Variants in BABAM2 observed in about 807,000 individuals in gnomAD.
BABAM2 encodes the protein BRISC and BRCA1-A complex member 2.
Under a neutral mutation model 54.7 loss-of-function variants are expected in BABAM2, and 31 were observed. That is an observed-to-expected ratio of 0.57 (90% CI 0.43 to 0.77). The LOEUF (loss-of-function observed/expected upper bound fraction) is 0.77. BABAM2 is among the 30% of genes least tolerant of loss of function. BABAM2 has a pLI of 0.00. For missense variants in BABAM2, 364 were observed against 455.8 expected (o/e 0.80, Z 1.83); for synonymous variants, 167 against 162.9 (o/e 1.03, Z -0.19).
intron 7 of BABAM2, among the ~76,000 whole-genome samples, chr2:28,161,811 A>G (rs955124114): frequency 6.6e-6 from 1 of 152,130 alleles, no homozygotes; most frequent in Non-Finnish European, 1.5e-5. Context: ...TTAATCACTC[A>G]TCTGTTGAGT....
At chr2:28,115,905 G>A (rs1378790518) in intron 6 of BABAM2, among the ~76,000 whole-genome samples, 3 of 151,644 alleles carry the variant, frequency 2.0e-5, no homozygotes, top group Non-Finnish European at 4.4e-5. Context: ...ACCTGAGGTC[G>A]GGAGTTCGAG....
chr2:28,061,935 G>A (rs1415991490), intron 6 of BABAM2, among the ~76,000 whole-genome samples: 3 of 152,044 alleles, frequency 2.0e-5, no homozygotes, highest in Non-Finnish European at 4.4e-5. Flanking sequence ...GTTGTATTTG[G>A]TAGTAGATTC....
intron 4 of BABAM2, among the ~76,000 whole-genome samples, chr2:27,998,617 C>T (rs1558646875): frequency 6.6e-6 from 1 of 152,154 alleles, no homozygotes. Context: ...AGATGTATCT[C>T]AAACCAGTCC....
intron 2 of BABAM2, among the ~76,000 whole-genome samples, chr2:27,903,440 C>A (rs569374372): frequency 1.3e-5 from 2 of 152,208 alleles, no homozygotes; most frequent in Admixed American, 1.3e-4. Flanking sequence ...AAAAAAACTT[C>A]TTTTTAATTA....
At chr2:28,197,852 A>C (rs1476285371) in intron 7 of BABAM2, among the ~76,000 whole-genome samples, 1 of 152,240 alleles carries the variant, frequency 6.6e-6, no homozygotes, top group Non-Finnish European at 1.5e-5. Context: ...GATCCAGAAG[A>C]GTAGGTCAGC....
intron 3 of BABAM2, among the ~76,000 whole-genome samples, chr2:27,985,174 G>A (rs555098242): frequency 6.6e-6 from 1 of 151,630 alleles, no homozygotes; most frequent in East Asian, 1.9e-4. Flanking sequence ...TGTGAATTGT[G>A]CTGCTATAAG....
intron 4 of BABAM2, among the ~76,000 whole-genome samples, chr2:28,001,692 A>G (rs1673589103): frequency 6.6e-6 from 1 of 152,186 alleles, no homozygotes. Context: ...GGATCTTACA[A>G]TCATGGCAGA....
intron 8 of BABAM2, among the ~76,000 whole-genome samples, chr2:28,238,686 C>G (rs1216880096): frequency 6.6e-6 from 1 of 152,122 alleles, no homozygotes; most frequent in Non-Finnish European, 1.5e-5. Context: ...GATCGGAGGA[C>G]AGAATTCTTA....
At chr2:27,897,851 T>C (rs903793218) in intron 2 of BABAM2, among the ~76,000 whole-genome samples, 4 of 152,200 alleles carry the variant, frequency 2.6e-5, no homozygotes, top group African/African-American at 9.7e-5. Context: ...ACAAAATGCT[T>C]TCTTTAGATG....
intron 2 of BABAM2, among the ~76,000 whole-genome samples, chr2:27,921,264 A>G (rs1052217060): frequency 3.9e-5 from 6 of 152,140 alleles, no homozygotes; most frequent in Middle Eastern, 3.2e-3. Flanking sequence ...CTTATTACTG[A>G]TAAATAATTT....
intron 6 of BABAM2, among the ~76,000 whole-genome samples, chr2:28,109,398 C>T (rs1156734092): frequency 6.6e-6 from 1 of 151,968 alleles, no homozygotes; most frequent in African/African-American, 2.4e-5. Context: ...CCTTGTTAGC[C>T]AGGATGGTCT....
At chr2:27,954,105 G>A (rs1463059246) in intron 3 of BABAM2, among the ~76,000 whole-genome samples, 1 of 152,104 alleles carries the variant, frequency 6.6e-6, no homozygotes, top group Admixed American at 6.5e-5. Context: ...TGAGTTTGTG[G>A]GGTTGCATTC....
At chr2:28,248,941 A>C (rs1370011640) in intron 10 of BABAM2, among the ~76,000 whole-genome samples, 1 of 152,186 alleles carries the variant, frequency 6.6e-6, no homozygotes, top group Non-Finnish European at 1.5e-5. Flanking sequence ...AGGGGATATA[A>C]GTATATAACT....
intron 4 of BABAM2, among the ~76,000 whole-genome samples, chr2:28,019,415 T>G (rs535550167): frequency 7.2e-5 from 11 of 152,324 alleles, no homozygotes; most frequent in African/African-American, 2.6e-4. Flanking sequence ...ATGTATAGAT[T>G]GTGAAGATTT....
chr2:28,326,524 A>G (rs1303204598), intron 11 of BABAM2, among the ~76,000 whole-genome samples: 2 of 152,144 alleles, frequency 1.3e-5, no homozygotes, highest in Admixed American at 6.5e-5. Flanking sequence ...CAGCCCAGCC[A>G]GGTGCACCCA....
intron 10 of BABAM2, among the ~76,000 whole-genome samples, chr2:28,248,207 CTTTTTT>C (rs780563394): frequency 1.8e-5 from 1 of 54,306 alleles, no homozygotes; most frequent in Non-Finnish European, 3.7e-5. Flanking sequence ...TTTTCTTTTT[CTTTTTT>C]TTTTTTTTTT....
rs879941037 is a variant in BABAM2, at chr2:28,280,062, A to AT, written c.935-18262dup. Among the ~76,000 whole-genome samples the AT allele has an allele frequency of 2.7e-3, 394 of 144,006 alleles. 1 individual carries two copies. The Middle Eastern group carries it at 0.047, about 17-fold the overall frequency. 94.5% of individuals were successfully genotyped at this position (144,006 alleles called of 152,430 possible). ...CTAGTCTCATATCAAATCATAACTA[A>AT]TTTTTTTTTTTTTTGAGACGGAGTC... On this transcript the variant is annotated intron_variant, in intron 10 of 11. Coordinates refer to ENST00000379624, the MANE Select transcript of BABAM2 (RefSeq NM_199191.3).
intron 5 of BABAM2, among the ~76,000 whole-genome samples, chr2:28,035,257 C>T (rs1031369927): frequency 2.0e-5 from 3 of 151,946 alleles, no homozygotes; most frequent in Non-Finnish European, 4.4e-5. Context: ...ATTTTTCTTT[C>T]AGACAGCACT....
chr2:28,147,951 C>T (rs1466918403), intron 7 of BABAM2, among the ~76,000 whole-genome samples: 1 of 152,140 alleles, frequency 6.6e-6, no homozygotes, highest in African/African-American at 2.4e-5. Context: ...ACATTTCATA[C>T]ACCCCCTAAT....
Sources: gnomAD v4.1 joint callset for allele counts (sites outside exome capture counted in the v4.1 genomes callset) on GRCh38, gnomAD v4.1.1 for gene constraint, MANE v1.5 for transcripts, NCBI Gene and HGNC (gene_info 2026-07-23, HGNC 2026-07-21) for gene names.